The following NPHS1 variants were observed in gnomAD, a reference collection of about 807,000 sequenced individuals.
NPHS1 encodes the protein NPHS1 adhesion molecule, nephrin.
In NPHS1, 107 loss-of-function variants were observed where a neutral mutation model predicts 139.7. That is an observed-to-expected ratio of 0.77 (90% CI 0.66 to 0.90). The LOEUF (loss-of-function observed/expected upper bound fraction) is 0.90. NPHS1 is among the 40% of genes least tolerant of loss of function. The pLI is 0.00. For missense variants in NPHS1, 1,580 were observed against 1,654.2 expected (o/e 0.96, Z 0.78); for synonymous variants, 707 against 706.6 (o/e 1.00, Z -0.01).
intron 14 of NPHS1, among the ~76,000 whole-genome samples, chr19:35,844,946 G>A (rs1973114454): frequency 6.6e-6 from 1 of 152,090 alleles, no homozygotes; most frequent in African/African-American, 2.4e-5. Flanking sequence ...GCAACATAGA[G>A]TAATGCCATC....
At chr19:35,841,406 G>T (rs961855910) in intron 20 of NPHS1, among the ~76,000 whole-genome samples, 2 of 151,904 alleles carry the variant, frequency 1.3e-5, no homozygotes, top group African/African-American at 4.8e-5. Flanking sequence ...ACAACAAAAA[G>T]AATGGAGAGT....
chr19:35,844,127 C>A lies in NPHS1; in HGVS notation c.2188G>T (p.Ala730Ser). 6.2e-7 allele frequency: 1 copy of A among 1,608,778 alleles called. No homozygotes were observed. The highest frequency in any genetic ancestry group is 8.5e-7 in the Non-Finnish European group (1 of 1,179,936). Residue 730 changes from alanine (A) to serine (S), a missense_variant, in exon 16 of 29, where the codon GCG becomes TCG. Ala to Ser is a moderately conservative substitution (Grantham distance 99). Transcript: ENST00000378910. ...CAGTGCACGTCCAGCCGCAGCCGCG[C>A]TTCCGCGGTGCCCTCAGAGTTCTGG... is the stretch of plus-strand genomic sequence containing the variant. ...HCQNSEGTAE[A>S]RLRLDVHYAP...
At chr19:35,834,177 G>A (rs1307584054) in intron 23 of NPHS1, among the ~76,000 whole-genome samples, 2 of 152,042 alleles carry the variant, frequency 1.3e-5, no homozygotes, top group South Asian at 2.1e-4. Flanking sequence ...ACTTGCTTTG[G>A]CCAATGAGAC....
At chr19:35,837,480 A>G (rs1972983355) in intron 22 of NPHS1, among the ~76,000 whole-genome samples, 1 of 151,438 alleles carries the variant, frequency 6.6e-6, no homozygotes, top group South Asian at 2.1e-4. Context: ...GATTTTCTCA[A>G]TTGTTTTTCT....
At chr19:35,834,911 A>T (rs550264528) in intron 23 of NPHS1, among the ~76,000 whole-genome samples, 79 of 151,492 alleles carry the variant, frequency 5.2e-4, no homozygotes, top group Middle Eastern at 6.8e-3. Flanking sequence ...AATAAAAAAA[A>T]AAAATGCCGA....
At chr19:35,842,872 A>G (rs1461782735) in intron 17 of NPHS1, among the ~76,000 whole-genome samples, 2 of 151,760 alleles carry the variant, frequency 1.3e-5, no homozygotes, top group African/African-American at 4.8e-5. Context: ...TCACTCACTC[A>G]TTCCTCCACC....
In NPHS1 at chr19:35,846,210, G is replaced by T; in HGVS notation, c.1441-16C>A. 2 of 1,571,262 alleles carry T rather than the reference G, an allele frequency of 1.3e-6. No individual in the cohort carries two copies. Among genetic ancestry groups the T allele is most frequent in the South Asian group, 2.3e-5 (2 of 86,018 alleles). ...TGCGCGAGTCCTACGGGCCGGGAGT[G>T]ACTGGGGTTCGCAGGCAGCCCTGCC... On this transcript the variant is annotated splice_polypyrimidine_tract_variant and intron_variant, in intron 11 of 28. Coordinates refer to ENST00000378910, the MANE Select transcript of NPHS1 (RefSeq NM_004646.4).
intron 7 of NPHS1, 25 bp from the exon 8 acceptor site, chr19:35,849,172 C>A: frequency 6.2e-7 from 1 of 1,612,434 alleles, no homozygotes; most frequent in Non-Finnish European, 8.5e-7. Flanking sequence ...AGGCCTGGGC[C>A]AGCTCAGGAC....
At chr19:35,851,228 A>G in intron 3 of NPHS1, 34 bp downstream of exon 3, 1 of 1,613,760 alleles carries the variant, frequency 6.2e-7, no homozygotes, top group South Asian at 1.1e-5. Flanking sequence ...CTTGAAGCCC[A>G]GACTCATGGG....
chr19:35,848,190 G>T (rs1401409984), intron 10 of NPHS1, 25 bp from the exon 11 acceptor site: 1 of 1,613,958 alleles, frequency 6.2e-7, no homozygotes, highest in East Asian at 2.2e-5. Flanking sequence ...AAGGAAGAAT[G>T]ACTTTTTCTC....
chr19:35,851,849 CT>C lies in NPHS1; in HGVS notation c.-13del. ...GTCCCCAGGGCCATCACAGGTCCCC[CT>C]ACTGTGACCCCCACAGCGCCCGCTG... On this transcript the variant is annotated 5_prime_UTR_variant, in exon 1 of 29. Transcript: ENST00000378910. 1.3e-6 allele frequency: 2 copies of C among 1,550,166 alleles called. No homozygotes were observed. Among genetic ancestry groups the C allele is most frequent in the Non-Finnish European group, 1.7e-6 (2 of 1,146,436 alleles).
intron 20 of NPHS1, among the ~76,000 whole-genome samples, chr19:35,839,822 T>C (rs1193154553): frequency 6.7e-6 from 1 of 149,412 alleles, no homozygotes. Context: ...TGAAAGATGC[T>C]TGAGCCCAGG....
Position 35,841,851 on chromosome 19 carries a change from T to C in NPHS1, c.2679A>G (p.Thr893=), listed in dbSNP as rs1568453068. 6.2e-7 allele frequency: 1 copy of C among 1,612,630 alleles called. No homozygotes were observed. The highest frequency in any genetic ancestry group is 1.7e-5 in the Admixed American group (1 of 59,644). The part of the protein sequence containing the change: ...DLQDPRYTEH[T]YHQGGVHSSL... ...TGCTGTGGACACCACCCTGGTGGTA[T>C]GTGTGCTCCGTGTACCTAGAGAGAA... The change falls in exon 20 of 29, where the codon ACA becomes ACG. Residue 893 remains threonine, a synonymous_variant. Coordinates refer to ENST00000378910, the MANE Select transcript of NPHS1 (RefSeq NM_004646.4).
Position 35,826,673 on chromosome 19 carries a change from C to A in NPHS1, c.3595-28G>T, listed in dbSNP as rs759119460. Reference sequence around the variant, plus strand: ...GACAGGCAAAAAGTGGAGTTAGAACCATGGAGAGATGCCCTGTAGGTCTTC... The same window carrying A: ...GACAGGCAAAAAGTGGAGTTAGAACAATGGAGAGATGCCCTGTAGGTCTTC... On this transcript the variant is annotated intron_variant, in intron 28 of 28. Transcript: ENST00000378910. 4.3e-6 allele frequency: 7 copies of A among 1,613,748 alleles called. No individual in the cohort carries two copies. In the South Asian group the frequency reaches 6.6e-5, roughly 15 times the overall value.
intron 16 of NPHS1, 163 bp downstream of exon 16, chr19:35,843,940 G>T (rs1343785202): frequency 9.4e-6 from 9 of 955,212 alleles, no homozygotes; most frequent in Non-Finnish European, 1.4e-5. Context: ...TAGTGGGAGG[G>T]GTTCCGCAGT....
At chr19:35,850,128 C>T (rs1358654476) in intron 5 of NPHS1, among the ~76,000 whole-genome samples, 6 of 152,138 alleles carry the variant, frequency 3.9e-5, no homozygotes, top group Admixed American at 3.9e-4. Context: ...GTTGACCCAG[C>T]TGATCTTGAA....
rs116019317 is a variant in NPHS1, at chr19:35,837,257, G to A, written c.3110-1496C>T. Among the ~76,000 whole-genome samples, 576 of 152,186 alleles carry A rather than the reference G, an allele frequency of 3.8e-3. 5 individuals are homozygous for A. Among genetic ancestry groups the A allele is most frequent in the African/African-American group, 0.013 (557 of 41,520 alleles). On this transcript the variant is annotated intron_variant, in intron 22 of 28. Coordinates refer to ENST00000378910, the MANE Select transcript of NPHS1 (RefSeq NM_004646.4). ...ATTGTAACATATTCATCATATTCAA[G>A]GAATTTGTCCTTCTCATCCAACTTG...
chr19:35,826,099 C>G lies in NPHS1; in HGVS notation c.*415G>C. The G allele has an allele frequency of 4.5e-6, 1 of 223,690 alleles. No homozygotes were observed. The highest frequency in any genetic ancestry group is 5.1e-5 in the Admixed American group (1 of 19,440). 13.9% of individuals were successfully genotyped at this position (223,690 alleles called of 1,614,324 possible). On this transcript the variant is annotated 3_prime_UTR_variant, in exon 29 of 29. Transcript: ENST00000378910. ...TAGCTGGGACTACAGGCATGCGCCA[C>G]TACTCCTGGCTAATTTTTTATATTT...
rs759088529 is a variant in NPHS1 at position 35,851,343 on chromosome 19, C to A, written c.316G>T (p.Asp106Tyr). The A allele has an allele frequency of 1.9e-6, 3 of 1,613,748 alleles. No individual in the cohort carries two copies. The highest frequency in any genetic ancestry group is 1.7e-6 in the Non-Finnish European group (2 of 1,179,852). Residue 106 changes from aspartate (D) to tyrosine (Y), a missense_variant, in exon 3 of 29, where the codon GAC becomes TAC. Coordinates refer to ENST00000378910, the MANE Select transcript of NPHS1 (RefSeq NM_004646.4). ...LHIEACDLSD[D>Y]AEYECQVGRS... is the part of the protein sequence containing the mutation. ...CCGACCTGGCACTCATACTCCGCGT[C>A]ATCGCTGAGGTCACAGGCCTCGATG...
Sources: gnomAD v4.1 joint callset for allele counts (sites outside exome capture counted in the v4.1 genomes callset) on GRCh38, gnomAD v4.1.1 for gene constraint, MANE v1.5 for transcripts, NCBI Gene and HGNC (gene_info 2026-07-23, HGNC 2026-07-21) for gene names.